Variants in EYS observed in about 807,000 individuals in gnomAD.
EYS encodes protein eyes shut homolog.
Under a neutral mutation model 282.1 loss-of-function variants are expected in EYS, and 250 were observed. The ratio of observed to expected loss-of-function variants is 0.89; its 90% CI spans 0.80 to 0.98. The LOEUF is 0.98. Ranked by LOEUF, EYS falls within the 50% of genes least tolerant of loss-of-function variation. The pLI, the probability that EYS is intolerant of heterozygous loss-of-function variation, is 0.00. For missense variants in EYS, 4,016 were observed against 3,709.0 expected (o/e 1.08, Z -2.15); for synonymous variants, 1,355 against 1,282.9 (o/e 1.06, Z -1.20).
chr6:64,072,886 TG>T, intron 32 of EYS, among the ~76,000 whole-genome samples: 1 of 152,072 alleles, frequency 6.6e-6, no homozygotes, highest in Non-Finnish European at 1.5e-5. Flanking sequence ...TAGGTCAAGC[TG>T]TTGTGCCATA....
rs182816002 is a variant in EYS at position 64,202,737 on chromosome 6, A to G, written c.6424+27855T>C. Among the ~76,000 whole-genome samples, 7 of 152,336 alleles carry G rather than the reference A, an allele frequency of 4.6e-5. No individual in the cohort carries two copies. The East Asian group carries it at 1.2e-3, about 25-fold the overall frequency. The stretch of plus-strand genomic sequence containing the variant: ...CTCCATGAGAGTAGGCCCTAAGTCC[A>G]ATAAGTATCCTTTGAAGAGGAAAGA... On this transcript the variant is annotated intron_variant, in intron 31 of 42. Transcript: ENST00000503581.
intron 22 of EYS, among the ~76,000 whole-genome samples, chr6:64,773,236 G>T (rs1773578069): frequency 6.6e-6 from 1 of 151,904 alleles, no homozygotes; most frequent in African/African-American, 2.4e-5. Flanking sequence ...TGTGGTATTT[G>T]GTTTACTGTT....
At chr6:65,517,548 C>T (rs769617993) in intron 2 of EYS, among the ~76,000 whole-genome samples, 1 of 151,988 alleles carries the variant, frequency 6.6e-6, no homozygotes. Context: ...TAAAATGATG[C>T]TGTAATTACA....
intron 12 of EYS, among the ~76,000 whole-genome samples, chr6:65,174,667 G>T (rs996721320): frequency 2.0e-5 from 3 of 151,272 alleles, no homozygotes; most frequent in African/African-American, 7.3e-5. Flanking sequence ...GAAAAAAATA[G>T]CTGACATTCA....
intron 33 of EYS, among the ~76,000 whole-genome samples, chr6:64,011,286 G>A (rs1005662313): frequency 1.3e-5 from 2 of 151,918 alleles, no homozygotes; most frequent in Admixed American, 6.6e-5. Context: ...ATCTTGACCC[G>A]AAATCCCCCA....
intron 9 of EYS, among the ~76,000 whole-genome samples, chr6:65,350,174 A>C (rs2150324635): frequency 6.6e-6 from 1 of 151,642 alleles, no homozygotes; most frequent in East Asian, 1.9e-4. Flanking sequence ...TTAAAACTAA[A>C]GTCCCTAAAA....
intron 30 of EYS, among the ~76,000 whole-genome samples, chr6:64,282,416 G>A (rs1768340464): frequency 6.6e-6 from 1 of 152,156 alleles, no homozygotes; most frequent in Non-Finnish European, 1.5e-5. Context: ...CCTATCAGGA[G>A]TGAAATATAA....
At chr6:64,835,242 T>A (rs1765346380) in intron 19 of EYS, among the ~76,000 whole-genome samples, 2 of 151,724 alleles carry the variant, frequency 1.3e-5, no homozygotes, top group South Asian at 2.1e-4. Flanking sequence ...GCTTTCTCCA[T>A]CACACCACTG....
At position 63,994,261 on chromosome 6, in the gene EYS, G is replaced by A. The variant is rs562496487; in HGVS notation, c.6834+4814C>T. Among the ~76,000 whole-genome samples the A allele has an allele frequency of 4.1e-4, 63 of 151,842 alleles. No individual in the cohort carries two copies. The South Asian group carries it at 0.01, about 24-fold the overall frequency. ...TTTAATTTACACTATATAATTACAC[G>A]GCATTAAAATTCTGATACATCAGTC... On this transcript the variant is annotated intron_variant, in intron 34 of 42. Coordinates refer to ENST00000503581, the MANE Select transcript of EYS (RefSeq NM_001142800.2).
At chr6:63,779,329 C>A (rs942860633) in intron 39 of EYS, 3 of 151,806 alleles carry the variant, frequency 2.0e-5, no homozygotes, top group African/African-American at 7.3e-5. Flanking sequence ...TGGCGGGTGC[C>A]TGTAGTCCCA....
chr6:64,789,569 C>A (rs564239385), intron 22 of EYS, among the ~76,000 whole-genome samples: 1 of 152,074 alleles, frequency 6.6e-6, no homozygotes. Flanking sequence ...TAACCCATAC[C>A]AAGGTGCCCT....
intron 35 of EYS, among the ~76,000 whole-genome samples, chr6:63,954,200 T>C (rs1484842713): frequency 6.6e-6 from 1 of 152,138 alleles, no homozygotes; most frequent in East Asian, 1.9e-4. Flanking sequence ...CATATTTCCT[T>C]CTTTCCTTTT....
rs752062916 is a variant in EYS at position 65,402,552 on chromosome 6, A to G, written c.1110T>C (p.Ile370=). 15 of 1,574,806 alleles carry G rather than the reference A, an allele frequency of 9.5e-6. No homozygotes were observed. Among genetic ancestry groups the G allele is most frequent in the Non-Finnish European group, 1.3e-5 (15 of 1,145,060 alleles). ...PIFTDLLCKS[I]QTSCESFPLR... ...AAGGAAATGACTCACATGATGTTTG[A>G]ATGCTCTTACAAAGCAAATCTGTAA... Residue 370 remains isoleucine, a synonymous_variant, in exon 7 of 43, where the codon ATT becomes ATC. Transcript: ENST00000503581.
At position 64,413,536 on chromosome 6, in the gene EYS, A is replaced by ACAACAG. The variant is rs1470050253; in HGVS notation, c.5927+22637_5927+22638insCTGTTG. On this transcript the variant is annotated intron_variant, in intron 28 of 42. Transcript: ENST00000503581. ...GGCTATTCTTGTCCAAACAACAACA[A>ACAACAG]CAACAACAACAACAACAACAACAAA... Among the ~76,000 whole-genome samples the ACAACAG allele has an allele frequency of 8.6e-4, 117 of 136,664 alleles. 2 individuals carry two copies. Among genetic ancestry groups the ACAACAG allele is most frequent in the Non-Finnish European group, 3.1e-4 (21 of 66,764 alleles). 89.7% of individuals were successfully genotyped at this position (136,664 alleles called of 152,430 possible).
At chr6:64,744,887 A>G (rs536482217) in intron 22 of EYS, among the ~76,000 whole-genome samples, 1 of 152,300 alleles carries the variant, frequency 6.6e-6, no homozygotes, top group African/African-American at 2.4e-5. Flanking sequence ...GATATACTGG[A>G]AAGATTTTTC....
intron 29 of EYS, among the ~76,000 whole-genome samples, chr6:64,360,840 A>C (rs187750130): frequency 6.6e-6 from 1 of 151,866 alleles, no homozygotes; most frequent in Admixed American, 6.6e-5. Flanking sequence ...TTCTTAAAGA[A>C]AGACAGATTT....
At chr6:64,084,540 A>G (rs1463946311) in intron 31 of EYS, among the ~76,000 whole-genome samples, 1 of 152,196 alleles carries the variant, frequency 6.6e-6, no homozygotes, top group Non-Finnish European at 1.5e-5. Context: ...GTATTAGGAC[A>G]TAGTTTTACA....
rs1233907521 is a variant in EYS at position 64,844,700 on chromosome 6, G to A, written c.2993-21878C>T. ...ATTTGGACAAACTCAAATTAATAGT[G>A]GAAATGGATGAGTAGAGTTCCTGTT... On this transcript the variant is annotated intron_variant, in intron 19 of 42. Coordinates refer to ENST00000503581, the MANE Select transcript of EYS (RefSeq NM_001142800.2). Among the ~76,000 whole-genome samples the A allele has an allele frequency of 3.9e-5, 6 of 152,184 alleles. No homozygotes were observed. In the South Asian group the frequency reaches 1.0e-3, roughly 26 times the overall value.
intron 5 of EYS, among the ~76,000 whole-genome samples, chr6:65,476,584 T>C (rs927979828): frequency 6.5e-5 from 9 of 138,238 alleles, no homozygotes; most frequent in African/African-American, 2.6e-4. Context: ...CTAAAACTGC[T>C]TTTTTTTTTT....
Sources: gnomAD v4.1 joint callset for allele counts (sites outside exome capture counted in the v4.1 genomes callset) on GRCh38, gnomAD v4.1.1 for gene constraint, MANE v1.5 for transcripts, NCBI Gene and HGNC (gene_info 2026-07-23, HGNC 2026-07-21) for gene names.